SLC47A1: variants seen among roughly 807,000 people sequenced by gnomAD.
The protein encoded by SLC47A1 is solute carrier family 47 member 1.
In SLC47A1, 58 loss-of-function variants were observed where a neutral mutation model predicts 65.8. The observed-to-expected ratio is 0.88, with a 90% CI of 0.71 to 1.10. The LOEUF is 1.10. Ranked by LOEUF, SLC47A1 falls within the 50% of genes least tolerant of loss-of-function variation. SLC47A1 has a pLI of 0.00. For synonymous variants in SLC47A1, 285 were observed against 295.0 expected, an observed-to-expected ratio of 0.97 and a Z score of 0.35; for missense variants, 706 against 719.2, an observed-to-expected ratio of 0.98 and a Z score of 0.21.
chr17:19,575,956 G>A (rs1048105065), intron 16 of SLC47A1, among the ~76,000 whole-genome samples: 2 of 152,164 alleles, frequency 1.3e-5, no homozygotes, highest in African/African-American at 4.8e-5. Flanking sequence ...AGAGGGGAGA[G>A]AGGAGATAGG....
intron 2 of SLC47A1, among the ~76,000 whole-genome samples, chr17:19,545,488 G>A (rs1019345893): frequency 1.3e-5 from 2 of 150,994 alleles, no homozygotes; most frequent in Non-Finnish European, 2.9e-5. Flanking sequence ...CACTATGCTC[G>A]GCCAGAAATT....
intron 14 of SLC47A1, among the ~76,000 whole-genome samples, chr17:19,570,200 C>T (rs537984067): frequency 8.3e-4 from 126 of 152,260 alleles, no homozygotes; most frequent in Non-Finnish European, 1.5e-3. Flanking sequence ...AAACCTGTAC[C>T]GAATCCATAA....
Position 19,577,634 on chromosome 17 carries a change from T to C in SLC47A1, c.*81T>C. The C allele has an allele frequency of 3.2e-6, 5 of 1,577,370 alleles. No homozygotes were observed. Among genetic ancestry groups the C allele is most frequent in the Non-Finnish European group, 4.3e-6 (5 of 1,161,980 alleles). Reference sequence around the variant, plus strand: ...CAGGCCCACCAGTGACAATTTACTGTGAGTTAATGTCATTCAGGTGTGCCC... The same window carrying C: ...CAGGCCCACCAGTGACAATTTACTGCGAGTTAATGTCATTCAGGTGTGCCC... On this transcript the variant is annotated 3_prime_UTR_variant, in exon 17 of 17. Coordinates refer to ENST00000270570, the MANE Select transcript of SLC47A1 (RefSeq NM_018242.3).
chr17:19,542,823 G>A (rs529791704), intron 2 of SLC47A1, among the ~76,000 whole-genome samples: 5 of 145,688 alleles, frequency 3.4e-5, no homozygotes, highest in Admixed American at 7.0e-5. Flanking sequence ...ATGAAGTCTC[G>A]CGCTGTTACC....
intron 16 of SLC47A1, among the ~76,000 whole-genome samples, chr17:19,573,468 G>A (rs186977309): frequency 7.3e-4 from 111 of 151,698 alleles, no homozygotes; most frequent in African/African-American, 2.2e-3. Flanking sequence ...TGTGCTGTGT[G>A]TCTGGTTATC....
rs1190647693 is a variant in SLC47A1 at position 19,533,893 on chromosome 17, T to C, written c.-47T>C. 3.5e-6 allele frequency: 5 copies of C among 1,442,474 alleles called. No homozygotes were observed. The African/African-American group carries it at 7.4e-5, about 21-fold the overall frequency. 89.4% of individuals were successfully genotyped at this position (1,442,474 alleles called of 1,614,324 possible). ...CGGTACTCACTGCCGGCCTCCGCGG[T>C]ACCCACTGCCGGCCTCCGCGCTACC... On this transcript the variant is annotated 5_prime_UTR_variant, in exon 1 of 17. Transcript: ENST00000270570.
chr17:19,539,468 C>T (rs1229364397), intron 1 of SLC47A1, among the ~76,000 whole-genome samples: 1 of 151,778 alleles, frequency 6.6e-6, no homozygotes, highest in Non-Finnish European at 1.5e-5. Context: ...ATGAAGATTC[C>T]TCAGCCCCAG....
At chr17:19,566,999 C>A (rs1800474555) in intron 13 of SLC47A1, 97 bp from the exon 14 acceptor site, 1 of 1,596,630 alleles carries the variant, frequency 6.3e-7, no homozygotes, top group Non-Finnish European at 8.6e-7. Flanking sequence ...TGTCACCTTA[C>A]CATGGATTTT....
chr17:19,552,863 G>T (rs997056560), intron 6 of SLC47A1, among the ~76,000 whole-genome samples: 1 of 152,304 alleles, frequency 6.6e-6, no homozygotes, highest in South Asian at 2.1e-4. Context: ...CTGGCCCAGG[G>T]TCAGCGTGCG....
At chr17:19,537,553 A>C (rs1228091746) in intron 1 of SLC47A1, among the ~76,000 whole-genome samples, 2 of 152,210 alleles carry the variant, frequency 1.3e-5, no homozygotes, top group East Asian at 3.9e-4. Context: ...AAGCCGGGTG[A>C]GGTCCGGCCC....
rs1916181830 is a variant in SLC47A1 at position 19,542,748 on chromosome 17, C to T, written c.237+254C>T. Among the ~76,000 whole-genome samples, 4 of 151,788 alleles carry T rather than the reference C, an allele frequency of 2.6e-5. No individual in the cohort carries two copies. The South Asian group carries it at 8.3e-4, about 32-fold the overall frequency. ...CTGGGGACATCTGGGGGGGCATTAT[C>T]CTGTCTATCACATCTTCTCATTTAT... On this transcript the variant is annotated intron_variant, in intron 2 of 16. Coordinates refer to ENST00000270570, the MANE Select transcript of SLC47A1 (RefSeq NM_018242.3).
At position 19,566,833 on chromosome 17, in the gene SLC47A1, GT is replaced by G. The variant is rs774195093; in HGVS notation, c.1153del (p.Ser385ProfsTer15). The G allele has an allele frequency of 6.2e-7, 1 of 1,614,030 alleles. No homozygotes were observed. Among genetic ancestry groups the G allele is most frequent in the Non-Finnish European group, 8.5e-7 (1 of 1,180,028 alleles). On this transcript the variant is annotated frameshift_variant, in exon 13 of 17. Transcript: ENST00000270570. LOFTEE classifies it high-confidence loss of function. The part of the protein sequence containing the change: ...LVAQVVPIYA[V>X]SHLFEALACT... ...GGCTCAGGTGGTTCCAATTTATGCT[GT>G]TTCCCACCTCTTTGAAGCTCTTGCT...
At chr17:19,552,367 A>G (rs1916475321) in intron 6 of SLC47A1, among the ~76,000 whole-genome samples, 1 of 152,228 alleles carries the variant, frequency 6.6e-6, no homozygotes, top group South Asian at 2.1e-4. Context: ...TCAACAAAAC[A>G]AGAATATTTA....
chr17:19,552,418 T>C (rs1916476529), intron 6 of SLC47A1, among the ~76,000 whole-genome samples: 1 of 152,094 alleles, frequency 6.6e-6, no homozygotes, highest in African/African-American at 2.4e-5. Context: ...GAAATAGGTG[T>C]AGACTAGAGA....
intron 15 of SLC47A1, among the ~76,000 whole-genome samples, chr17:19,572,130 TG>T (rs1213913822): frequency 6.6e-6 from 1 of 152,098 alleles, no homozygotes; most frequent in African/African-American, 2.4e-5. Context: ...GCCTGAGTGA[TG>T]GAGCGAGACC....
chr17:19,551,225 C>T (rs1916436841), intron 5 of SLC47A1, among the ~76,000 whole-genome samples, 199 bp from the exon 6 acceptor site: 1 of 152,158 alleles, frequency 6.6e-6, no homozygotes, highest in Non-Finnish European at 1.5e-5. Flanking sequence ...GGCATATGCA[C>T]CCATAAAGAA....
chr17:19,540,845 A>AGCAGACACACACAC (rs1916124288), intron 1 of SLC47A1, among the ~76,000 whole-genome samples: 1 of 96,686 alleles, frequency 1.0e-5, no homozygotes, highest in African/African-American at 6.2e-5. Flanking sequence ...CTTCTCCTAC[A>AGCAGACACACACAC]ACAGACACAC....
chr17:19,558,690 C>T (rs1206294431), intron 10 of SLC47A1, among the ~76,000 whole-genome samples: 1 of 152,120 alleles, frequency 6.6e-6, no homozygotes, highest in Non-Finnish European at 1.5e-5. Context: ...AGCAATCATT[C>T]CACCTTGGCC....
At position 19,578,104 on chromosome 17, in the gene SLC47A1, C is replaced by T. The variant is rs1207367556; in HGVS notation, c.*551C>T. ...CTTCAAGCAATCCTCCTGTGTCAGC[C>T]ACCAGAGTAGCTGAGACTACAGGGG... On this transcript the variant is annotated 3_prime_UTR_variant, in exon 17 of 17. Transcript: ENST00000270570. The T allele has an allele frequency of 1.7e-6, 1 of 601,104 alleles. No homozygotes were observed. Among genetic ancestry groups the T allele is most frequent in the Non-Finnish European group, 2.8e-6 (1 of 360,644 alleles). The allele number at this position is 601,104 out of a possible 1,614,324, so 37.2% of individuals were successfully genotyped here.
Sources: allele counts gnomAD v4.1 joint callset (sites outside exome capture counted in the v4.1 genomes callset), GRCh38; gene constraint gnomAD v4.1.1; transcripts MANE v1.5; gene names NCBI Gene and HGNC (gene_info 2026-07-23, HGNC 2026-07-21).